Variants in PIAS1 observed in about 807,000 individuals in gnomAD.
PIAS1 encodes E3 SUMO-protein ligase PIAS1.
In PIAS1, 6 loss-of-function variants were observed where a neutral mutation model predicts 71.3. The observed-to-expected ratio is 0.08, with a 90% CI of 0.05 to 0.17. The LOEUF is 0.17. Ranked by LOEUF, PIAS1 falls within the 10% of genes least tolerant of loss-of-function variation. PIAS1 has a pLI of 1.00. For missense variants in PIAS1, 555 were observed against 793.6 expected, an observed-to-expected ratio of 0.70 and a Z score of 3.61; for synonymous variants, 303 against 292.9, an observed-to-expected ratio of 1.03 and a Z score of -0.35.
At chr15:68,084,584 T>A (rs1256031957) in intron 1 of PIAS1, among the ~76,000 whole-genome samples, 1 of 152,208 alleles carries the variant, frequency 6.6e-6, no homozygotes, top group Admixed American at 6.5e-5. Flanking sequence ...AACATGAATT[T>A]GAGCATTTAT....
In PIAS1 at chr15:68,178,308, G is replaced by A. The variant is rs1055498992; in HGVS notation, c.1481+1654G>A. ...ATTTCAGTCAAACATTTCACACATC[G>A]GTATTTTCATTCTACAGTAGTCCAT... On this transcript the variant is annotated intron_variant, in intron 11 of 13. Coordinates refer to ENST00000249636, the MANE Select transcript of PIAS1 (RefSeq NM_016166.3). This position sits in a 1 kb window ranked among gnomAD's most constrained non-coding sequence, Gnocchi z 4.2. Among the ~76,000 whole-genome samples, 26 of 152,074 alleles carry A rather than the reference G, an allele frequency of 1.7e-4. No homozygotes were observed. The highest frequency in any genetic ancestry group is 6.5e-4 in the Admixed American group (10 of 15,274).
chr15:68,083,742 T>C (rs1161027934), intron 1 of PIAS1, among the ~76,000 whole-genome samples: 1 of 150,530 alleles, frequency 6.6e-6, no homozygotes, highest in Non-Finnish European at 1.5e-5. Flanking sequence ...CTGATAATTA[T>C]GACAATTGAT....
intron 2 of PIAS1, among the ~76,000 whole-genome samples, chr15:68,140,820 G>T (rs2092765029): frequency 6.6e-6 from 1 of 152,110 alleles, no homozygotes; most frequent in Non-Finnish European, 1.5e-5. Flanking sequence ...TGCCCCAGAA[G>T]CCGATAGTTT....
intron 2 of PIAS1, among the ~76,000 whole-genome samples, chr15:68,103,671 C>G (rs933790742): frequency 6.6e-6 from 1 of 152,140 alleles, no homozygotes; most frequent in African/African-American, 2.4e-5. Flanking sequence ...TATAGATTTT[C>G]CTGTTTTGGA....
At chr15:68,106,309 G>A (rs72759531) in intron 2 of PIAS1, among the ~76,000 whole-genome samples, 8,806 of 135,020 alleles carry the variant, frequency 0.065, 355 homozygotes, top group South Asian at 0.11. Context: ...AAAATGGATG[G>A]TTAAACACCT....
intron 2 of PIAS1, among the ~76,000 whole-genome samples, chr15:68,088,216 A>C (rs192935166): frequency 8.0e-4 from 103 of 128,608 alleles, no homozygotes; most frequent in African/African-American, 3.1e-3. Flanking sequence ...TTTTAAATTA[A>C]AGGCCATATC....
intron 2 of PIAS1, among the ~76,000 whole-genome samples, chr15:68,127,864 G>A (rs2092662217): frequency 6.6e-6 from 1 of 152,162 alleles, no homozygotes; most frequent in South Asian, 2.1e-4. Flanking sequence ...CAGGGTTCAA[G>A]CAATTCTCCT....
At chr15:68,159,112 T>C (rs1413723744) in intron 7 of PIAS1, among the ~76,000 whole-genome samples, 1 of 152,220 alleles carries the variant, frequency 6.6e-6, no homozygotes, top group Non-Finnish European at 1.5e-5. Context: ...ATTATAGTCA[T>C]ATAATAAAAT....
At chr15:68,172,030 A>G (rs549349842) in intron 8 of PIAS1, among the ~76,000 whole-genome samples, 11 of 152,208 alleles carry the variant, frequency 7.2e-5, no homozygotes, top group African/African-American at 2.6e-4. Flanking sequence ...CATCATTTAC[A>G]TTAGGTATTT....
At chr15:68,084,155 C>A (rs1422114031) in intron 1 of PIAS1, among the ~76,000 whole-genome samples, 1 of 152,144 alleles carries the variant, frequency 6.6e-6, no homozygotes, top group Non-Finnish European at 1.5e-5. Flanking sequence ...AAGCTGTCAT[C>A]AATGCAGAGT....
intron 6 of PIAS1, among the ~76,000 whole-genome samples, chr15:68,148,553 C>T (rs1239479491): frequency 2.6e-5 from 4 of 152,074 alleles, no homozygotes; most frequent in African/African-American, 9.7e-5. Flanking sequence ...CACAGCCTCC[C>T]GAGTAGCTGG....
chr15:68,130,804 A>G (rs982844836), intron 2 of PIAS1, among the ~76,000 whole-genome samples: 1 of 152,186 alleles, frequency 6.6e-6, no homozygotes, highest in Non-Finnish European at 1.5e-5. Context: ...ACTGGACTAA[A>G]ACCTTGATAG....
At chr15:68,137,323 G>A (rs902674113) in intron 2 of PIAS1, among the ~76,000 whole-genome samples, 3 of 152,134 alleles carry the variant, frequency 2.0e-5, no homozygotes, top group African/African-American at 7.2e-5. Context: ...TATGTCCCCT[G>A]AGAGAATACA....
chr15:68,176,451 G>A lies in PIAS1; in HGVS notation c.1301-23G>A, dbSNP rs201350808. On this transcript the variant is annotated intron_variant, in intron 10 of 13. Transcript: ENST00000249636. ...GATGTCATAGCTCTTCCCTTGCCTT[G>A]TATTTTAATCATTCCCATATAGGAT... 6.0e-6 allele frequency: 9 copies of A among 1,511,932 alleles called. No individual in the cohort carries two copies. The East Asian group carries it at 2.1e-4, about 35-fold the overall frequency. The allele number at this position is 1,511,932 out of a possible 1,614,324, so 93.7% of individuals were successfully genotyped here. A position where few individuals can be genotyped will look rare whatever the true frequency, so the allele number is the denominator to read the frequency against.
intron 2 of PIAS1, among the ~76,000 whole-genome samples, chr15:68,089,173 A>G (rs2092312611): frequency 6.6e-6 from 1 of 152,258 alleles, no homozygotes; most frequent in Admixed American, 6.5e-5. Flanking sequence ...AAAATGGAAG[A>G]CAGTAGTTCT....
rs2093108731 is a variant in PIAS1, at chr15:68,189,559, A to T, written c.*1724A>T. ...CATGACTTGTGTGGCATCTAAAAATAATGTTTTTATAGCATCTCTCTGCCA... is the reference window on the plus strand; with the variant it reads ...CATGACTTGTGTGGCATCTAAAAATTATGTTTTTATAGCATCTCTCTGCCA... On this transcript the variant is annotated 3_prime_UTR_variant, in exon 14 of 14. Transcript: ENST00000249636. 6.6e-6 allele frequency: 1 copy of T among 152,206 alleles called. No individual in the cohort carries two copies. The highest frequency in any genetic ancestry group is 2.4e-5 in the African/African-American group (1 of 41,454). 9.4% of individuals were successfully genotyped at this position (152,206 alleles called of 1,614,324 possible).
At chr15:68,166,097 A>G (rs2141079997) in intron 8 of PIAS1, among the ~76,000 whole-genome samples, 1 of 152,316 alleles carries the variant, frequency 6.6e-6, no homozygotes, top group Middle Eastern at 3.4e-3. Flanking sequence ...TCTGTAAGTT[A>G]TAGAAAAAAA....
intron 7 of PIAS1, 87 bp from the exon 8 acceptor site, chr15:68,164,644 G>T: frequency 1.5e-6 from 1 of 679,396 alleles, no homozygotes; most frequent in South Asian, 2.0e-5. Context: ...ATTTGTTTAA[G>T]CTTTTTATTC....
At chr15:68,140,697 G>A (rs2092764338) in intron 2 of PIAS1, among the ~76,000 whole-genome samples, 2 of 152,022 alleles carry the variant, frequency 1.3e-5, no homozygotes, top group Admixed American at 1.3e-4. Flanking sequence ...GTGACATATT[G>A]CAGTTTGGTT....
Sources: allele counts gnomAD v4.1 joint callset (sites outside exome capture counted in the v4.1 genomes callset), GRCh38; gene constraint gnomAD v4.1.1; non-coding constraint Gnocchi (gnomAD v3.1); transcripts MANE v1.5; gene names NCBI Gene and HGNC (gene_info 2026-07-23, HGNC 2026-07-21).